Variants in NUP85 observed in about 807,000 individuals in gnomAD.
NUP85 encodes the protein nuclear pore complex protein Nup85.
NUP85 carries 23 observed loss-of-function variants against 92.8 expected under a neutral mutation model. That is an observed-to-expected ratio of 0.25 (90% CI 0.18 to 0.35). The LOEUF is 0.35. NUP85 is among the 10% of genes least tolerant of loss of function. NUP85 has a pLI of 1.00. For missense variants in NUP85, 759 were observed against 822.8 expected, an observed-to-expected ratio of 0.92 and a Z score of 0.95; for synonymous variants, 314 against 306.9, an observed-to-expected ratio of 1.02 and a Z score of -0.24.
At chr17:75,214,999 G>A (rs916659737) in intron 5 of NUP85, among the ~76,000 whole-genome samples, 3 of 150,404 alleles carry the variant, frequency 2.0e-5, no homozygotes, top group African/African-American at 4.9e-5. Context: ...GTGAAACCTC[G>A]TCTCTACTAA....
chr17:75,208,894 C>T (rs2075172919), intron 2 of NUP85, among the ~76,000 whole-genome samples: 1 of 152,044 alleles, frequency 6.6e-6, no homozygotes, highest in African/African-American at 2.4e-5. Flanking sequence ...GGTCACCATG[C>T]CACCACGCCC....
chr17:75,231,749 C>T lies in NUP85; in HGVS notation c.1245-79C>T. The T allele has an allele frequency of 1.2e-6, 2 of 1,605,324 alleles. No individual in the cohort carries two copies. The stretch of plus-strand genomic sequence containing the variant: ...GGCTCCTTGAAGGCTTCGGAAGGGT[C>T]AGTGAAAGGGAGCTGTAGGTGCCAG... On this transcript the variant is annotated intron_variant, in intron 13 of 18. Coordinates refer to ENST00000245544, the MANE Select transcript of NUP85 (RefSeq NM_024844.5). This position sits in a 1 kb window ranked among gnomAD's most constrained non-coding sequence, Gnocchi z 4.6.
At chr17:75,220,900 T>TTTTTTG (rs2075578125) in intron 7 of NUP85, among the ~76,000 whole-genome samples, 1 of 143,384 alleles carries the variant, frequency 7.0e-6, no homozygotes, top group African/African-American at 2.6e-5. Flanking sequence ...TTTTTTTTTT[T>TTTTTTG]AGCTGGAGTC....
Position 75,231,231 on chromosome 17 carries a change from C to T in NUP85, c.1095-109C>T, listed in dbSNP as rs889466635. 1.9e-5 allele frequency: 20 copies of T among 1,033,976 alleles called. No individual in the cohort carries two copies. In the African/African-American group the frequency reaches 2.5e-4, roughly 13 times the overall value. 64.1% of individuals were successfully genotyped at this position (1,033,976 alleles called of 1,614,324 possible). A position where few individuals can be genotyped will look rare whatever the true frequency, so the allele number is the denominator to read the frequency against. On this transcript the variant is annotated intron_variant, in intron 11 of 18. Coordinates refer to ENST00000245544, the MANE Select transcript of NUP85 (RefSeq NM_024844.5). The surrounding 1 kb of genome is among the most constrained non-coding windows in gnomAD (Gnocchi z 4.6). ...GGCATGAGCTATCATCACGCCCGGC[C>T]CCATCTCTTTGAGGGACAGGACATG...
chr17:75,219,975 G>GAT (rs1439167559), intron 7 of NUP85, among the ~76,000 whole-genome samples: 1 of 152,106 alleles, frequency 6.6e-6, no homozygotes, highest in Non-Finnish European at 1.5e-5. Context: ...AAGACAGAGC[G>GAT]ATACCAGGCC....
Position 75,209,831 on chromosome 17 carries a change from G to C in NUP85, c.136G>C (p.Glu46Gln). 6.3e-7 allele frequency: 1 copy of C among 1,576,384 alleles called. No individual in the cohort carries two copies. Among genetic ancestry groups the C allele is most frequent in the Non-Finnish European group, 8.6e-7 (1 of 1,169,398 alleles). The part of the protein sequence containing the change: ...ETSFNKKEKS[E>Q]MVPSCPFIYI... Reference sequence around the variant, plus strand: ...TTTCTGTTTGGTTTCAGAAAAATCAGAGATGGTGCCAAGTTGCCCCTTTAT... The same window carrying C: ...TTTCTGTTTGGTTTCAGAAAAATCACAGATGGTGCCAAGTTGCCCCTTTAT... Residue 46 changes from glutamate (E) to glutamine (Q), a missense_variant, in exon 3 of 19, where the codon GAG (glutamate) becomes CAG (glutamine). Physicochemically the swap from Glu to Gln is conservative, Grantham distance 29. Transcript: ENST00000245544.
intron 18 of NUP85, 101 bp downstream of exon 18, chr17:75,235,302 C>G: frequency 1.3e-6 from 1 of 789,262 alleles, no homozygotes; most frequent in South Asian, 1.7e-5. Flanking sequence ...CTCCTATGGA[C>G]ACATGTGCCT....
At position 75,205,687 on chromosome 17, in the gene NUP85, G is replaced by T; in HGVS notation, c.-75G>T. Reference sequence around the variant, plus strand: ...CGCCCAGGCGGAGTCTTGTCTCGCAGCCAGCTCTGAGCGGGAGGCCTGAGC... The same window carrying T: ...CGCCCAGGCGGAGTCTTGTCTCGCATCCAGCTCTGAGCGGGAGGCCTGAGC... On this transcript the variant is annotated 5_prime_UTR_variant, in exon 1 of 19. Coordinates refer to ENST00000245544, the MANE Select transcript of NUP85 (RefSeq NM_024844.5). 6.3e-7 allele frequency: 1 copy of T among 1,576,930 alleles called. No individual in the cohort carries two copies. Among genetic ancestry groups the T allele is most frequent in the Non-Finnish European group, 8.7e-7 (1 of 1,146,756 alleles).
chr17:75,231,207 G>A lies in NUP85; in HGVS notation c.1095-133G>A. The stretch of plus-strand genomic sequence containing the variant: ...GCCTCCCAAAGTACTGGGATCACGG[G>A]CATGAGCTATCATCACGCCCGGCCC... On this transcript the variant is annotated intron_variant, in intron 11 of 18. Transcript: ENST00000245544. The surrounding 1 kb of genome is among the most constrained non-coding windows in gnomAD (Gnocchi z 4.6). 1 of 833,772 alleles carries A rather than the reference G, an allele frequency of 1.2e-6. No individual in the cohort carries two copies. The highest frequency in any genetic ancestry group is 2.0e-6 in the Non-Finnish European group (1 of 503,780). The allele number at this position is 833,772 out of a possible 1,614,324, so 51.6% of individuals were successfully genotyped here. A position where few individuals can be genotyped will look rare whatever the true frequency, so the allele number is the denominator to read the frequency against.
Position 75,218,170 on chromosome 17 carries a change from A to G in NUP85, c.476-15A>G. On this transcript the variant is annotated splice_polypyrimidine_tract_variant and intron_variant, in intron 6 of 18. Transcript: ENST00000245544. ...AGCTGAGGCTTTTGTGTGTGATGAG[A>G]GTCTCTCCTCCCAGCTGGCCCTCTC... is the stretch of plus-strand genomic sequence containing the variant. 6.2e-7 allele frequency: 1 copy of G among 1,613,712 alleles called. No individual in the cohort carries two copies. The highest frequency in any genetic ancestry group is 8.5e-7 in the Non-Finnish European group (1 of 1,179,758).
At chr17:75,208,203 A>C (rs543506477) in intron 1 of NUP85, 155 of 254,004 alleles carry the variant, frequency 6.1e-4, no homozygotes, top group Non-Finnish European at 8.7e-4. Context: ...TGGGAGGCTG[A>C]GGCGGACGGA....
rs1398363854 is a variant in NUP85, at chr17:75,220,773, T to C, written c.597+2467T>C. Among the ~76,000 whole-genome samples, 11 of 151,878 alleles carry C rather than the reference T, an allele frequency of 7.2e-5. 2 individuals carry two copies. The highest frequency in any genetic ancestry group is 6.6e-4 in the Admixed American group (10 of 15,216). On this transcript the variant is annotated intron_variant, in intron 7 of 18. Coordinates refer to ENST00000245544, the MANE Select transcript of NUP85 (RefSeq NM_024844.5). The stretch of plus-strand genomic sequence containing the variant: ...CTGGTTTTTGTTTTGTTTTGTTTTG[T>C]TTTTTGTATTTTTAGTAGAGATGGG...
At chr17:75,228,103 T>C (rs1441505421) in intron 11 of NUP85, 1 of 712,692 alleles carries the variant, frequency 1.4e-6, no homozygotes, top group African/African-American at 1.9e-5. Context: ...TTTCCTGTGT[T>C]ATAACAGTGA....
chr17:75,235,288 C>T, intron 18 of NUP85, 87 bp downstream of exon 18: 1 of 945,354 alleles, frequency 1.1e-6, no homozygotes, highest in Non-Finnish European at 1.6e-6. Flanking sequence ...TCCAGAAACA[C>T]TGGCTCCTAT....
In NUP85 at chr17:75,215,779, T is replaced by G; in HGVS notation, c.431T>G (p.Leu144Arg). The G allele has an allele frequency of 6.2e-7, 1 of 1,614,090 alleles. No individual in the cohort carries two copies. Among genetic ancestry groups the G allele is most frequent in the South Asian group, 1.1e-5 (1 of 91,090 alleles). ...GTCTCCATTTTGTCAGCAATGGAGC[T>G]CATCTGGAACCTGTGTGAGATTCTT... ...SQVSILSAMELIWNLCEILFI... is the reference protein window; with the variant it reads ...SQVSILSAMERIWNLCEILFI... Residue 144 changes from leucine to arginine, a missense_variant, in exon 6 of 19, where the codon CTC (leucine) becomes CGC (arginine). By Grantham distance (102) the Leu-to-Arg change is moderately radical. Coordinates refer to ENST00000245544, the MANE Select transcript of NUP85 (RefSeq NM_024844.5).
chr17:75,205,729 C>G lies in NUP85; in HGVS notation c.-33C>G. On this transcript the variant is annotated 5_prime_UTR_variant, in exon 1 of 19. Coordinates refer to ENST00000245544, the MANE Select transcript of NUP85 (RefSeq NM_024844.5). ...GGCCTGAGCGGGAAGCATTGGCGTC[C>G]GAGCGACTTCTAGGAGCCTGGGGTT... 1.2e-6 allele frequency: 2 copies of G among 1,614,026 alleles called. No homozygotes were observed. The highest frequency in any genetic ancestry group is 8.5e-7 in the Non-Finnish European group (1 of 1,179,924).
intron 7 of NUP85, among the ~76,000 whole-genome samples, chr17:75,218,641 G>A (rs1224010445): frequency 2.3e-5 from 3 of 131,780 alleles, no homozygotes; most frequent in South Asian, 2.4e-4. Flanking sequence ...GGTGGCTCAT[G>A]CCTGTAATTC....
intron 7 of NUP85, among the ~76,000 whole-genome samples, chr17:75,222,022 C>T (rs1431450545): frequency 7.6e-6 from 1 of 132,304 alleles, no homozygotes; most frequent in Admixed American, 8.3e-5. Context: ...ATGTTTCTCT[C>T]GTGTGTGTGT....
chr17:75,224,394 C>T (rs961137144), intron 7 of NUP85, among the ~76,000 whole-genome samples: 1 of 151,912 alleles, frequency 6.6e-6, no homozygotes, highest in African/African-American at 2.4e-5. Flanking sequence ...GACGATTTTG[C>T]TTTTGTTTCT....
Sources: gnomAD v4.1 joint callset for allele counts (sites outside exome capture counted in the v4.1 genomes callset) on GRCh38, gnomAD v4.1.1 for gene constraint, Gnocchi (gnomAD v3.1) non-coding constraint, MANE v1.5 for transcripts, NCBI Gene and HGNC (gene_info 2026-07-23, HGNC 2026-07-21) for gene names.